SLC5A1: variants seen among roughly 807,000 people sequenced by gnomAD.
The protein encoded by SLC5A1 is sodium/glucose cotransporter 1.
Under a neutral mutation model 73.5 loss-of-function variants are expected in SLC5A1, and 42 were observed. That is an observed-to-expected ratio of 0.57 (90% confidence interval 0.45 to 0.74). The LOEUF is 0.74. Ranked by LOEUF, SLC5A1 falls within the 30% of genes least tolerant of loss-of-function variation. SLC5A1 has a pLI of 0.00. For synonymous variants in SLC5A1, 300 were observed against 317.4 expected (o/e 0.95, Z 0.58); for missense variants, 634 against 855.4 (o/e 0.74, Z 3.23).
chr22:32,060,050 CACAT>C lies in SLC5A1; in HGVS notation c.208-6883_208-6880del, dbSNP rs1378120303. 4.5e-3 allele frequency among the ~76,000 whole-genome samples: 615 copies of C among 136,284 alleles called. 9 individuals are homozygous for C. Among genetic ancestry groups the C allele is most frequent in the African/African-American group, 0.013 (473 of 36,546 alleles). The allele number at this position is 136,284 out of a possible 152,430, so 89.4% of individuals were successfully genotyped here. On this transcript the variant is annotated intron_variant, in intron 2 of 14. Transcript: ENST00000266088. ...ACACACACACACACACACACACACA[CACAT>C]ATATACACACACATATATATATACA...
chr22:32,109,605 T>C (rs887110039), intron 14 of SLC5A1, among the ~76,000 whole-genome samples: 1 of 152,058 alleles, frequency 6.6e-6, no homozygotes, highest in Admixed American at 6.5e-5. Context: ...TGAACAGATA[T>C]GAGATTTTGT....
At chr22:32,044,803 C>T (rs377540781) in intron 1 of SLC5A1, among the ~76,000 whole-genome samples, 17 of 152,118 alleles carry the variant, frequency 1.1e-4, no homozygotes, top group African/African-American at 4.1e-4. Flanking sequence ...TGAGGATACG[C>T]AGAGGTGAAT....
chr22:32,059,474 G>A lies in SLC5A1; in HGVS notation c.208-7461G>A, dbSNP rs73884267. On this transcript the variant is annotated intron_variant, in intron 2 of 14. Coordinates refer to ENST00000266088, the MANE Select transcript of SLC5A1 (RefSeq NM_000343.4). The stretch of plus-strand genomic sequence containing the variant: ...ATGAAGAGGGCATTCCAGGAAAAAC[G>A]AAAATGTCATAAACAAAAGCAGGAG... 3.0e-4 allele frequency: 132 copies of A among 437,904 alleles called. 1 individual carries two copies. The highest frequency in any genetic ancestry group is 2.5e-3 in the African/African-American group (118 of 46,922). The allele number at this position is 437,904 out of a possible 1,614,324, so 27.1% of individuals were successfully genotyped here.
rs145490212 is a variant in SLC5A1 at position 32,084,446 on chromosome 22, C to T, written c.672C>T (p.His224=). ...TGTACCGATGTTTTCCAGCTTTTCA[C>T]GAAGTGGGAGGCTATGACGCCTTCA... ...GSLILTGFAF[H]EVGGYDAFME... is the part of the protein sequence containing the mutation. The change falls in exon 8 of 15, where the codon CAC becomes CAT. Residue 224 remains histidine (H), a synonymous_variant. Transcript: ENST00000266088. 1.8e-5 allele frequency: 29 copies of T among 1,613,816 alleles called. No homozygotes were observed. The highest frequency in any genetic ancestry group is 2.3e-5 in the Non-Finnish European group (27 of 1,179,804).
intron 2 of SLC5A1, among the ~76,000 whole-genome samples, chr22:32,056,432 CCTGT>C (rs1385960903): frequency 7.4e-6 from 1 of 134,980 alleles, no homozygotes; most frequent in Non-Finnish European, 1.5e-5. Context: ...TACATACCTT[CCTGT>C]CTTTTTTTTT....
At chr22:32,109,942 A>G (rs199925786) in intron 14 of SLC5A1, 48 bp from the exon 15 acceptor site, 62 of 1,514,954 alleles carry the variant, frequency 4.1e-5, no homozygotes, top group Non-Finnish European at 5.2e-5. Flanking sequence ...AAACTTTTCT[A>G]GTCCATCCTG....
chr22:32,065,874 G>A (rs749066330), intron 2 of SLC5A1, among the ~76,000 whole-genome samples: 6 of 152,158 alleles, frequency 3.9e-5, no homozygotes, highest in Non-Finnish European at 5.9e-5. Context: ...GGAAATAAGC[G>A]TTTTGTTCCA....
At chr22:32,084,027 G>T (rs1396976569) in intron 7 of SLC5A1, among the ~76,000 whole-genome samples, 1 of 152,212 alleles carries the variant, frequency 6.6e-6, no homozygotes, top group East Asian at 1.9e-4. Context: ...AGGCCACTGT[G>T]TGTGTCTAGG....
chr22:32,059,903 C>T (rs187577465), intron 2 of SLC5A1, among the ~76,000 whole-genome samples: 9 of 151,890 alleles, frequency 5.9e-5, no homozygotes, highest in South Asian at 2.1e-4. Flanking sequence ...CTTCCAGTTC[C>T]GGGGCCTCCC....
intron 13 of SLC5A1, among the ~76,000 whole-genome samples, chr22:32,104,427 C>T (rs955416312): frequency 6.6e-6 from 1 of 152,190 alleles, no homozygotes; most frequent in Non-Finnish European, 1.5e-5. Context: ...AACTTACACT[C>T]CTAACCTGGA....
chr22:32,089,632 T>A (rs2094013751), intron 10 of SLC5A1, among the ~76,000 whole-genome samples: 1 of 152,200 alleles, frequency 6.6e-6, no homozygotes, highest in Non-Finnish European at 1.5e-5. Context: ...CCATGAGGAC[T>A]ACATTTGATG....
chr22:32,094,338 G>A (rs1251237633), intron 11 of SLC5A1, among the ~76,000 whole-genome samples: 1 of 152,066 alleles, frequency 6.6e-6, no homozygotes, highest in Non-Finnish European at 1.5e-5. Context: ...TTGGTATTAG[G>A]GTGATACTGG....
At chr22:32,073,550 TTTTG>T (rs796728968) in intron 5 of SLC5A1, among the ~76,000 whole-genome samples, 165 of 152,202 alleles carry the variant, frequency 1.1e-3, no homozygotes, top group African/African-American at 3.7e-3. Context: ...TTGGTGTTTT[TTTTG>T]TTTGTTTGTT....
intron 1 of SLC5A1, among the ~76,000 whole-genome samples, chr22:32,048,433 A>G (rs11089533): frequency 1.8e-3 from 280 of 152,292 alleles, no homozygotes; most frequent in Middle Eastern, 6.8e-3. Context: ...TTTTCTCCTC[A>G]TGAACCCTCA....
intron 7 of SLC5A1, among the ~76,000 whole-genome samples, chr22:32,083,871 C>A (rs1265545112): frequency 6.6e-6 from 1 of 152,194 alleles, no homozygotes; most frequent in Non-Finnish European, 1.5e-5. Context: ...CCCAGCAGGC[C>A]TTGGGTGTTA....
chr22:32,070,128 T>G (rs2093980316), intron 5 of SLC5A1, among the ~76,000 whole-genome samples: 1 of 151,786 alleles, frequency 6.6e-6, no homozygotes, highest in Non-Finnish European at 1.5e-5. Flanking sequence ...TCTCAAGGAT[T>G]GGAGGGCGAC....
intron 1 of SLC5A1, among the ~76,000 whole-genome samples, chr22:32,046,926 T>C (rs2149482487): frequency 6.6e-6 from 1 of 152,358 alleles, no homozygotes; most frequent in South Asian, 2.1e-4. Context: ...AAAGTTTTCC[T>C]TTGAGCCTCT....
chr22:32,086,273 G>A lies in SLC5A1; in HGVS notation c.1075G>A (p.Val359Ile), dbSNP rs999783249. ...ATGTGAGAAATATTGCGGTACCAAG[G>A]TTGGCTGTACCAACATCGCCTATCC... is the stretch of plus-strand genomic sequence containing the variant. The part of the protein sequence containing the change: ...SECEKYCGTK[V>I]GCTNIAYPTL... The change falls in exon 10 of 15, where the codon GTT becomes ATT. Residue 359 changes from valine (V) to isoleucine (I), a missense_variant. This residue lies in a region of SLC5A1 where 422 missense variants were observed against 626.1 expected (regional missense o/e 0.67). Transcript: ENST00000266088. 4.3e-6 allele frequency: 7 copies of A among 1,614,136 alleles called. No homozygotes were observed. Among genetic ancestry groups the A allele is most frequent in the Non-Finnish European group, 5.9e-6 (7 of 1,179,984 alleles).
At position 32,043,818 on chromosome 22, in the gene SLC5A1, G is replaced by C. The variant is rs978196654; in HGVS notation, c.135+402G>C. ...CTTTTAGTCATCCAGTTTCAGATGG[G>C]AAAGAAATGGTGTGGAGTGGGAAAG... On this transcript the variant is annotated intron_variant, in intron 1 of 14. Transcript: ENST00000266088. This position sits in a 1 kb window ranked among gnomAD's most constrained non-coding sequence, Gnocchi z 6.5. Among the ~76,000 whole-genome samples, 1 of 152,214 alleles carries C rather than the reference G, an allele frequency of 6.6e-6. No homozygotes were observed. Among genetic ancestry groups the C allele is most frequent in the South Asian group, 2.1e-4 (1 of 4,836 alleles).
Sources: gnomAD v4.1 joint callset for allele counts (sites outside exome capture counted in the v4.1 genomes callset) on GRCh38, gnomAD v4.1.1 for gene constraint, gnomAD v4.1.1 regional missense constraint, Gnocchi (gnomAD v3.1) non-coding constraint, MANE v1.5 for transcripts, NCBI Gene and HGNC (gene_info 2026-07-23, HGNC 2026-07-21) for gene names.